The following NBPF19 variants were observed in gnomAD, a reference collection of about 807,000 sequenced individuals.
NBPF19 encodes NBPF member 19.
A neutral mutation model predicts 45.9 loss-of-function variants in NBPF19; 30 were observed. The observed-to-expected ratio is 0.65, with a 90% CI of 0.49 to 0.89. The LOEUF (loss-of-function observed/expected upper bound fraction) is 0.89, where lower values mean the gene tolerates loss of function less well. NBPF19 is among the 40% of genes least tolerant of loss of function. The probability of loss-of-function intolerance (pLI) is 0.00; values close to 1 mark genes in which losing one functional copy is unlikely to be tolerated. For synonymous variants in NBPF19, 183 were observed against 181.2 expected, an observed-to-expected ratio of 1.01 and a Z score of -0.08; for missense variants, 495 against 471.8, an observed-to-expected ratio of 1.05 and a Z score of -0.46.
rs1249699432 is a variant in NBPF19, at chr1:149,477,975, T to C, written c.206T>C (p.Phe69Ser). Residue 69 changes from phenylalanine to serine, a missense_variant, in exon 3 of 94, where the codon TTT becomes TCT. Physicochemically the swap from Phe to Ser is radical, Grantham distance 155. Transcript: ENST00000651566. ...GAAGAGTGTAAAGACCTCATAAAATTTATGCTGAGGAATGAGCGACAGTTC... is the reference window on the plus strand; with the variant it reads ...GAAGAGTGTAAAGACCTCATAAAATCTATGCTGAGGAATGAGCGACAGTTC... ...KYEECKDLIKFMLRNERQFKE... is the reference protein window; with the variant it reads ...KYEECKDLIKSMLRNERQFKE... 2.8e-5 allele frequency: 41 copies of C among 1,479,490 alleles called. 2 individuals carry two copies. Among genetic ancestry groups the C allele is most frequent in the South Asian group, 1.5e-4 (13 of 88,858 alleles). 91.6% of individuals were successfully genotyped at this position (1,479,490 alleles called of 1,614,324 possible). A position where few individuals can be genotyped will look rare whatever the true frequency, so the allele number is the denominator to read the frequency against.
At chr1:149,481,468 C>T (rs1402461732) in intron 6 of NBPF19, among the ~76,000 whole-genome samples, 32 of 68,608 alleles carry the variant, frequency 4.7e-4, no homozygotes, top group African/African-American at 2.0e-3. Context: ...TTTGTAGCAT[C>T]GTGGATTTTT....
chr1:149,487,064 A>T (rs2085565950), intron 8 of NBPF19, among the ~76,000 whole-genome samples: 1 of 148,308 alleles, frequency 6.7e-6, no homozygotes, highest in Admixed American at 6.7e-5. Context: ...TTTATTGGGG[A>T]AAAATTGCTC....
chr1:149,483,342 AG>A (rs1375587803), intron 7 of NBPF19, among the ~76,000 whole-genome samples: 1 of 104,294 alleles, frequency 9.6e-6, no homozygotes, highest in African/African-American at 3.8e-5. Context: ...ATCAGAGACT[AG>A]GATTGCAACA....
At position 149,487,999 on chromosome 1, in the gene NBPF19, T is replaced by C. The variant is rs2101617755; in HGVS notation, c.1041-14T>C. 2.9e-6 allele frequency: 2 copies of C among 689,480 alleles called. No homozygotes were observed. The highest frequency in any genetic ancestry group is 3.1e-5 in the South Asian group (2 of 64,246). 42.7% of individuals were successfully genotyped at this position (689,480 alleles called of 1,614,324 possible). On this transcript the variant is annotated splice_polypyrimidine_tract_variant and intron_variant, in intron 9 of 93. Transcript: ENST00000651566. ...TCCCCCTGGCTTATTCTTTACTTTT[T>C]CCCACTTTTCCAGGCTCAGCAGGGA...
In NBPF19 at chr1:149,555,634, G is replaced by T. The variant is rs2087232096; in HGVS notation, c.*896G>T. On this transcript the variant is annotated 3_prime_UTR_variant, in exon 94 of 94. Transcript: ENST00000651566. ...AAGATATATTTTGGGTTCAAAAAAA[G>T]TAAAAAGATAATGTAGCTGCATTTC... The T allele has an allele frequency of 6.7e-6, 1 of 149,652 alleles. No individual in the cohort carries two copies. The highest frequency in any genetic ancestry group is 2.5e-5 in the African/African-American group (1 of 40,716). 9.3% of individuals were successfully genotyped at this position (149,652 alleles called of 1,614,324 possible).
Position 149,487,031 on chromosome 1 carries a change from G to A in NBPF19, c.989-301G>A, listed in dbSNP as rs1321730385. ...AATATTGAAGTATCTCTCCTATGAG[G>A]TGTTAGAACTATTTGCCTACAATTT... On this transcript the variant is annotated intron_variant, in intron 8 of 93. Coordinates refer to ENST00000651566, the MANE Select transcript of NBPF19 (RefSeq NM_001351365.2). Among the ~76,000 whole-genome samples, 9 of 150,662 alleles carry A rather than the reference G, an allele frequency of 6.0e-5. No homozygotes were observed. The South Asian group carries it at 1.9e-3, about 32-fold the overall frequency.
rs1302560266 is a variant in NBPF19 at position 149,478,016 on chromosome 1, G to T, written c.247G>T (p.Ala83Ser). 1.3e-6 allele frequency: 2 copies of T among 1,551,424 alleles called. No homozygotes were observed. The highest frequency in any genetic ancestry group is 2.7e-5 in the African/African-American group (2 of 73,664). ...GCGACAGTTCAAGGAGGAGAAGCTT[G>T]CAGAGCAGCTGAAGCAAGCTGAGGA... ...NERQFKEEKL[A>S]EQLKQAEELR... The change falls in exon 3 of 94, where the codon GCA (alanine) becomes TCA (serine). Residue 83 changes from alanine (A) to serine (S), a missense_variant. Transcript: ENST00000651566.
Position 149,475,556 on chromosome 1 carries a change from T to C in NBPF19, c.-275T>C. ...TCAGGTGAAAGTAGGGTGCCTGTGT[T>C]TCAGCAAAGCCTGGGCAATTGGAAT... On this transcript the variant is annotated 5_prime_UTR_variant, in exon 1 of 94. Coordinates refer to ENST00000651566, the MANE Select transcript of NBPF19 (RefSeq NM_001351365.2). The C allele has an allele frequency of 1.3e-6, 1 of 781,632 alleles. No individual in the cohort carries two copies. Among genetic ancestry groups the C allele is most frequent in the Non-Finnish European group, 2.0e-6 (1 of 493,890 alleles). The allele number at this position is 781,632 out of a possible 1,614,324, so 48.4% of individuals were successfully genotyped here. A position where few individuals can be genotyped will look rare whatever the true frequency, so the allele number is the denominator to read the frequency against.
rs1456027851 is a variant in NBPF19 at position 149,554,903 on chromosome 1, A to T, written c.*165A>T. The T allele has an allele frequency of 3.8e-6, 5 of 1,328,192 alleles. No individual in the cohort carries two copies. Among genetic ancestry groups the T allele is most frequent in the Admixed American group, 2.1e-5 (1 of 47,060 alleles). The allele number at this position is 1,328,192 out of a possible 1,614,324, so 82.3% of individuals were successfully genotyped here. ...ACCATGCCAGTGGCAACCTGTGCTC[A>T]GTCTGAAGACAATGGACCCACGTTA... On this transcript the variant is annotated 3_prime_UTR_variant, in exon 94 of 94. Transcript: ENST00000651566.
At chr1:149,514,698 T>TGA (rs1436184564) in intron 43 of NBPF19, among the ~76,000 whole-genome samples, 31 of 71,504 alleles carry the variant, frequency 4.3e-4, no homozygotes, top group African/African-American at 1.4e-3. Context: ...TCTCTCTGTG[T>TGA]GTGTGTGTGT....
Position 149,488,136 on chromosome 1 carries a change from C to G in NBPF19, c.1164C>G (p.Ala388=), listed in dbSNP as rs1225395012. 1.5e-6 allele frequency: 1 copy of G among 678,060 alleles called. No individual in the cohort carries two copies. The highest frequency in any genetic ancestry group is 2.7e-6 in the Non-Finnish European group (1 of 375,746). 42.0% of individuals were successfully genotyped at this position (678,060 alleles called of 1,614,324 possible). The change falls in exon 10 of 94, where the codon GCC becomes GCG. Residue 388 remains alanine, a synonymous_variant. Transcript: ENST00000651566. ...ACTCATGCCAGCCCTACAGAAGTGC[C>G]TTTTACGTATTGGAGCAACAGCGTG... The part of the protein sequence containing the change: ...LTDSCQPYRS[A]FYVLEQQRVG...
rs1430319042 is a variant in NBPF19 at position 149,554,769 on chromosome 1, C to T, written c.*31C>T. 6 of 1,607,502 alleles carry T rather than the reference C, an allele frequency of 3.7e-6. No homozygotes were observed. The African/African-American group carries it at 6.7e-5, about 18-fold the overall frequency. ...CCTTACTAAGCCGAGAGATGTCATT[C>T]CTGCAGGCAGGACCTATAGGCACGT... On this transcript the variant is annotated 3_prime_UTR_variant, in exon 94 of 94. Transcript: ENST00000651566.
In NBPF19 at chr1:149,488,008, T is replaced by C. The variant is rs1197498120; in HGVS notation, c.1041-5T>C. ...CTTATTCTTTACTTTTTCCCACTTTTCCAGGCTCAGCAGGGAGCTGCTGGA... is the reference window on the plus strand; with the variant it reads ...CTTATTCTTTACTTTTTCCCACTTTCCCAGGCTCAGCAGGGAGCTGCTGGA... On this transcript the variant is annotated splice_region_variant and splice_polypyrimidine_tract_variant and intron_variant, in intron 9 of 93. Transcript: ENST00000651566. The C allele has an allele frequency of 8.7e-6, 6 of 688,606 alleles. No individual in the cohort carries two copies. Among genetic ancestry groups the C allele is most frequent in the Admixed American group, 4.2e-5 (2 of 47,378 alleles). 42.7% of individuals were successfully genotyped at this position (688,606 alleles called of 1,614,324 possible).
intron 7 of NBPF19, among the ~76,000 whole-genome samples, chr1:149,483,308 C>A (rs1209202028): frequency 7.7e-5 from 8 of 103,718 alleles, no homozygotes; most frequent in South Asian, 3.8e-4. Context: ...CTCTTTTGAT[C>A]TTTGTTGGTT....
intron 10 of NBPF19, among the ~76,000 whole-genome samples, chr1:149,488,444 G>A (rs1354911976): frequency 7.3e-6 from 1 of 137,330 alleles, no homozygotes; most frequent in South Asian, 2.6e-4. Flanking sequence ...GACCTGGGCA[G>A]ATGTGACAAA....
At chr1:149,481,078 CA>C (rs1420210907) in intron 6 of NBPF19, among the ~76,000 whole-genome samples, 194 bp downstream of exon 6, 2 of 146,874 alleles carry the variant, frequency 1.4e-5, no homozygotes, top group African/African-American at 2.6e-5. Context: ...TCAAGTTACT[CA>C]ACCCCAGGCA....
Position 149,487,320 on chromosome 1 carries a change from A to T in NBPF19, c.989-12A>T. On this transcript the variant is annotated splice_polypyrimidine_tract_variant and intron_variant, in intron 8 of 93. Coordinates refer to ENST00000651566, the MANE Select transcript of NBPF19 (RefSeq NM_001351365.2). ...ACTTAATGTAAGAGGGCCCATCTGAATTTATTTGCAGGACATCGCTGGGAT... is the reference window on the plus strand; with the variant it reads ...ACTTAATGTAAGAGGGCCCATCTGATTTTATTTGCAGGACATCGCTGGGAT... 1 of 1,562,454 alleles carries T rather than the reference A, an allele frequency of 6.4e-7. No individual in the cohort carries two copies.
intron 8 of NBPF19, among the ~76,000 whole-genome samples, chr1:149,486,939 T>A (rs1419384813): frequency 6.6e-6 from 1 of 150,518 alleles, no homozygotes; most frequent in Non-Finnish European, 1.5e-5. Context: ...TTGCACCCCT[T>A]CATCAAATCT....
At position 149,477,977 on chromosome 1, in the gene NBPF19, A is replaced by G. The variant is rs2084944270; in HGVS notation, c.208A>G (p.Met70Val). ...AGAGTGTAAAGACCTCATAAAATTT[A>G]TGCTGAGGAATGAGCGACAGTTCAA... ...YEECKDLIKF[M>V]LRNERQFKEE... The change falls in exon 3 of 94, where the codon ATG becomes GTG. Residue 70 changes from methionine to valine, a missense_variant. By Grantham distance (21) the Met-to-Val change is conservative (BLOSUM62 1). Around this residue, in one of 8 missense-constraint regions of NBPF19, gnomAD observed 69 missense variants for 87.8 expected, o/e 0.79. Coordinates refer to ENST00000651566, the MANE Select transcript of NBPF19 (RefSeq NM_001351365.2). The G allele has an allele frequency of 1.2e-5, 17 of 1,476,440 alleles. No individual in the cohort carries two copies. Among genetic ancestry groups the G allele is most frequent in the Middle Eastern group, 2.4e-4 (1 of 4,244 alleles). The allele number at this position is 1,476,440 out of a possible 1,614,324, so 91.5% of individuals were successfully genotyped here.
Sources: allele counts gnomAD v4.1 joint callset (sites outside exome capture counted in the v4.1 genomes callset), GRCh38; gene constraint gnomAD v4.1.1; regional missense constraint gnomAD v4.1.1; transcripts MANE v1.5; gene names NCBI Gene and HGNC (gene_info 2026-07-23, HGNC 2026-07-21).